LPA: variants seen among roughly 807,000 people sequenced by gnomAD.
LPA encodes the protein lipoprotein(a), also known as apolipoprotein(a).
Under a neutral mutation model 197.9 loss-of-function variants are expected in LPA, and 199 were observed. The observed-to-expected ratio is 1.01, with a 90% CI of 0.90 to 1.13. The LOEUF (loss-of-function observed/expected upper bound fraction) is 1.13. Among genes scored for constraint, LPA ranks in the 50% most tolerant of loss-of-function variants. The pLI is 0.00. For missense variants in LPA, 1,853 were observed against 1,785.8 expected (o/e 1.04, Z -0.68); for synonymous variants, 715 against 639.5 (o/e 1.12, Z -1.78).
chr6:160,653,996 TTATATATAA>T (rs1562354612), intron 1 of LPA, among the ~76,000 whole-genome samples: 11 of 16,078 alleles, frequency 6.8e-4, no homozygotes, highest in African/African-American at 3.9e-3. Context: ...ATAATATATA[TTATATATAA>T]TATATATTAT....
chr6:160,646,647 A>G (rs1779884890), intron 2 of LPA, among the ~76,000 whole-genome samples: 2 of 120,832 alleles, frequency 1.7e-5, no homozygotes, highest in South Asian at 3.4e-4. Context: ...TCTTAGAAAC[A>G]CTGAGATAAC....
intron 33 of LPA, among the ~76,000 whole-genome samples, chr6:160,543,041 A>C (rs1778007726): frequency 6.6e-6 from 1 of 152,224 alleles, no homozygotes; most frequent in Non-Finnish European, 1.5e-5. Flanking sequence ...TGTAAAGTTT[A>C]CTGAAAGGCA....
intron 1 of LPA, 82 bp downstream of exon 1, chr6:160,664,084 C>T (rs995100033): frequency 3.1e-5 from 37 of 1,204,296 alleles, no homozygotes; most frequent in Non-Finnish European, 4.2e-5. Flanking sequence ...AAATGAATTG[C>T]ACATAAAGCC....
intron 28 of LPA, among the ~76,000 whole-genome samples, chr6:160,576,483 C>G (rs1456720384): frequency 7.4e-6 from 1 of 134,302 alleles, no homozygotes; most frequent in East Asian, 2.1e-4. Flanking sequence ...CAGTTACATA[C>G]CTGAATATTT....
Position 160,650,344 on chromosome 6 carries a change from G to C in LPA, c.203C>G (p.Pro68Arg), listed in dbSNP as rs1255140519. 6.2e-7 allele frequency: 1 copy of C among 1,613,386 alleles called. No individual in the cohort carries two copies. The highest frequency in any genetic ancestry group is 1.7e-5 in the Admixed American group (1 of 60,002). ...HQHNRTTENY[P>R]NAGLIMNYCR... The stretch of plus-strand genomic sequence containing the variant: ...TGTAAGATTAATGACATACGCATTT[G>C]GGTAGTTTTCTGTGGTCCTATTATG... Residue 68 changes from proline (P) to arginine (R), a missense_variant, in exon 2 of 39, where the codon CCA (proline) becomes CGA (arginine). Pro to Arg is a moderately radical substitution (Grantham distance 103). This residue lies in a region of LPA where 88 missense variants were observed against 83.0 expected (regional missense o/e 1.06). Coordinates refer to ENST00000316300, the MANE Select transcript of LPA (RefSeq NM_005577.4).
intron 28 of LPA, among the ~76,000 whole-genome samples, chr6:160,558,951 C>G (rs1429019131): frequency 6.6e-6 from 1 of 152,212 alleles, no homozygotes; most frequent in Non-Finnish European, 1.5e-5. Flanking sequence ...TTTGAGTAAG[C>G]TGGTTCTCCA....
intron 28 of LPA, among the ~76,000 whole-genome samples, chr6:160,571,956 C>T (rs1324422693): frequency 6.6e-6 from 1 of 152,200 alleles, no homozygotes; most frequent in Non-Finnish European, 1.5e-5. Flanking sequence ...TTAGTGTCTG[C>T]CCAAATGCCA....
At chr6:160,600,170 T>C (rs1779211392) in intron 19 of LPA, among the ~76,000 whole-genome samples, 1 of 152,188 alleles carries the variant, frequency 6.6e-6, no homozygotes, top group Non-Finnish European at 1.5e-5. Flanking sequence ...GCTAAAACTG[T>C]AGGCAACAAC....
chr6:160,658,891 TGAGA>T (rs4063599), intron 1 of LPA, among the ~76,000 whole-genome samples: 28 of 149,040 alleles, frequency 1.9e-4, no homozygotes, highest in Middle Eastern at 3.4e-3. Context: ...TATATATATA[TGAGA>T]GAGAGAGAGA....
chr6:160,586,931 A>G (rs920102102), intron 24 of LPA, among the ~76,000 whole-genome samples: 3 of 152,180 alleles, frequency 2.0e-5, no homozygotes, highest in African/African-American at 7.2e-5. Context: ...TGCCAAATAC[A>G]TTCCTTTGGA....
At chr6:160,656,628 C>A (rs1780137734) in intron 1 of LPA, among the ~76,000 whole-genome samples, 1 of 152,186 alleles carries the variant, frequency 6.6e-6, no homozygotes, top group African/African-American at 2.4e-5. Flanking sequence ...CTCCAGTACA[C>A]ACAGTTACCC....
chr6:160,599,350 C>T, intron 20 of LPA, 150 bp downstream of exon 20: 1 of 1,261,670 alleles, frequency 7.9e-7, no homozygotes, highest in Non-Finnish European at 1.1e-6. Context: ...CTCAAAAAAA[C>T]AAAGTCTTCT....
intron 18 of LPA, among the ~76,000 whole-genome samples, chr6:160,603,194 T>A (rs138609209): frequency 6.6e-6 from 1 of 151,908 alleles, no homozygotes; most frequent in Non-Finnish European, 1.5e-5. Flanking sequence ...CCCGCCTGTC[T>A]GTGAGGATCA....
At chr6:160,544,841 C>G (rs932693046) in intron 33 of LPA, among the ~76,000 whole-genome samples, 2 of 152,124 alleles carry the variant, frequency 1.3e-5, no homozygotes. Context: ...TGATCCAAGC[C>G]TCATACTCCC....
At position 160,542,818 on chromosome 6, in the gene LPA, A is replaced by G; in HGVS notation, c.5399-10T>C. ...TCAAATGAAGAGGATGCTGTGGCAC[A>G]AGGTGGGAAAAGAAGTCGCATTTGA... On this transcript the variant is annotated splice_polypyrimidine_tract_variant and intron_variant, in intron 33 of 38. Transcript: ENST00000316300. The G allele has an allele frequency of 6.2e-7, 1 of 1,613,894 alleles. No individual in the cohort carries two copies. The highest frequency in any genetic ancestry group is 1.1e-5 in the South Asian group (1 of 91,078).
intron 28 of LPA, among the ~76,000 whole-genome samples, chr6:160,557,922 A>AT (rs35457795): frequency 0.014 from 2,079 of 143,546 alleles, 18 homozygotes; most frequent in Non-Finnish European, 0.018. Context: ...TGCATTTTAG[A>AT]TTTTTTTTTT....
In LPA at chr6:160,600,916, C is replaced by T; in HGVS notation, c.3127+1G>A. ...GGTAAATGTCTGGCACAACTTCTTA[C>T]CTTGTTCAAAAAAAGCCTCTAGGCT... On this transcript the variant is annotated splice_donor_variant, in intron 19 of 38. Coordinates refer to ENST00000316300, the MANE Select transcript of LPA (RefSeq NM_005577.4). LOFTEE classifies it high-confidence loss of function. 1 of 1,612,266 alleles carries T rather than the reference C, an allele frequency of 6.2e-7. No homozygotes were observed. Among genetic ancestry groups the T allele is most frequent in the South Asian group, 1.1e-5 (1 of 91,000 alleles).
At chr6:160,656,532 C>G (rs75385813) in intron 1 of LPA, among the ~76,000 whole-genome samples, 1 of 152,140 alleles carries the variant, frequency 6.6e-6, no homozygotes, top group Non-Finnish European at 1.5e-5. Context: ...ACTGGGGAAC[C>G]ACAATAACGT....
intron 23 of LPA, among the ~76,000 whole-genome samples, chr6:160,589,990 G>C (rs1778994578): frequency 6.6e-6 from 1 of 152,204 alleles, no homozygotes; most frequent in South Asian, 2.1e-4. Flanking sequence ...CCTGTTCTTT[G>C]GCAAAGATCT....
Sources: allele counts gnomAD v4.1 joint callset (sites outside exome capture counted in the v4.1 genomes callset), GRCh38; gene constraint gnomAD v4.1.1; regional missense constraint gnomAD v4.1.1; transcripts MANE v1.5; gene names NCBI Gene and HGNC (gene_info 2026-07-23, HGNC 2026-07-21).